Variants in CCL28 observed in about 807,000 individuals in gnomAD.
The protein encoded by CCL28 is C-C motif chemokine 28.
Under a neutral mutation model 7.1 loss-of-function variants are expected in CCL28, and 4 were observed. The observed-to-expected ratio is 0.56, with a 90% CI of 0.28 to 1.29. CCL28 has a LOEUF of 1.29. Ranked by LOEUF, CCL28 falls within the 50% of genes most tolerant of loss-of-function variation. The pLI, the probability that CCL28 is intolerant of heterozygous loss-of-function variation, is 0.11. For missense variants in CCL28, 151 were observed against 163.4 expected, an observed-to-expected ratio of 0.92 and a Z score of 0.41; for synonymous variants, 55 against 57.8, an observed-to-expected ratio of 0.95 and a Z score of 0.22.
intron 1 of CCL28, among the ~76,000 whole-genome samples, chr5:43,399,769 C>G (rs534119266): frequency 6.6e-6 from 1 of 151,990 alleles, no homozygotes; most frequent in South Asian, 2.1e-4. Context: ...CATTTGTTCA[C>G]TATATGTAAT....
chr5:43,370,171 A>T, the CCL28 span, among the ~76,000 whole-genome samples: 1 of 152,262 alleles, frequency 6.6e-6, no homozygotes, highest in Non-Finnish European at 1.5e-5. Flanking sequence ...CAGCTAACCC[A>T]GAAAATTTTG....
intron 2 of CCL28, among the ~76,000 whole-genome samples, chr5:43,386,230 G>A (rs769901501): frequency 6.6e-6 from 1 of 152,164 alleles, no homozygotes. Flanking sequence ...GTCTATCCAC[G>A]CATTGTCTAT....
chr5:43,359,814 A>C, the CCL28 span, among the ~76,000 whole-genome samples: 1 of 152,126 alleles, frequency 6.6e-6, no homozygotes, highest in East Asian at 1.9e-4. Context: ...GCATTCTGGC[A>C]ACTGAATGAC....
At chr5:43,375,327 A>G (rs1264871267), downstream of CCL28, among the ~76,000 whole-genome samples, 2 of 135,670 alleles carry the variant, frequency 1.5e-5, no homozygotes, top group Non-Finnish European at 3.1e-5. Context: ...ATGCCACTGC[A>G]CTCCAGCCTG....
chr5:43,380,320 A>G lies in CCL28; in HGVS notation c.*1540T>C, dbSNP rs1296245541. 5 of 152,150 alleles carry G rather than the reference A, an allele frequency of 3.3e-5. No individual in the cohort carries two copies. Among genetic ancestry groups the G allele is most frequent in the Non-Finnish European group, 5.9e-5 (4 of 68,032 alleles). The allele number at this position is 152,150 out of a possible 1,614,324, so 9.4% of individuals were successfully genotyped here. A position where few individuals can be genotyped will look rare whatever the true frequency, so the allele number is the denominator to read the frequency against. ...GAAAGGCAGGCTTTTTGTTCTTTTC[A>G]GTATCAGAAAATTTCAATCCAAACA... On this transcript the variant is annotated 3_prime_UTR_variant, in exon 3 of 3. Coordinates refer to ENST00000361115, the MANE Select transcript of CCL28 (RefSeq NM_148672.3).
chr5:43,402,375 C>T (rs1490974631), intron 1 of CCL28, among the ~76,000 whole-genome samples: 2 of 152,144 alleles, frequency 1.3e-5, no homozygotes, highest in Non-Finnish European at 2.9e-5. Context: ...GAAACATTAA[C>T]ATTCCCAATT....
At chr5:43,382,904 C>T (rs560896267) in intron 2 of CCL28, among the ~76,000 whole-genome samples, 1 of 151,950 alleles carries the variant, frequency 6.6e-6, no homozygotes, top group African/African-American at 2.4e-5. Context: ...CTGCAACTTC[C>T]GTCTCCCGGG....
intron 1 of CCL28, among the ~76,000 whole-genome samples, chr5:43,389,812 A>G (rs1380276533): frequency 6.6e-6 from 1 of 152,216 alleles, no homozygotes; most frequent in African/African-American, 2.4e-5. Context: ...AGGTGCAACT[A>G]GTGCCCTCCA....
intron 1 of CCL28, 38 bp from the exon 2 acceptor site, chr5:43,388,514 G>T (rs1453798209): frequency 2.5e-6 from 4 of 1,600,316 alleles, no homozygotes; most frequent in Non-Finnish European, 3.4e-6. Context: ...AAATTTTACG[G>T]TTTATAGAAC....
At chr5:43,394,501 T>C (rs951319754) in intron 1 of CCL28, among the ~76,000 whole-genome samples, 2 of 152,352 alleles carry the variant, frequency 1.3e-5, no homozygotes, top group East Asian at 1.9e-4. Flanking sequence ...AAGAAAATGA[T>C]AAGATAATGT....
chr5:43,360,023 G>A, the CCL28 span, among the ~76,000 whole-genome samples: 11 of 152,102 alleles, frequency 7.2e-5, no homozygotes, highest in Non-Finnish European at 1.2e-4. Flanking sequence ...GCTGATTTGA[G>A]TAATAATGAA....
chr5:43,389,069 A>C (rs1211736270), intron 1 of CCL28, among the ~76,000 whole-genome samples: 4 of 152,224 alleles, frequency 2.6e-5, no homozygotes, highest in African/African-American at 9.6e-5. Context: ...GAATGGGCAA[A>C]TCCATAAAGA....
At chr5:43,377,624 C>A (rs1404676021), downstream of CCL28, 2 of 146,018 alleles carry the variant, frequency 1.4e-5, no homozygotes, top group African/African-American at 5.1e-5. Flanking sequence ...ACATCAAGCA[C>A]TGGGATGAGG....
chr5:43,378,529 T>C (rs753650952), downstream of CCL28, among the ~76,000 whole-genome samples: 1 of 152,152 alleles, frequency 6.6e-6, no homozygotes, highest in Admixed American at 6.5e-5. Flanking sequence ...ATTAACGAGG[T>C]GATTTACTCA....
At position 43,380,123 on chromosome 5, in the gene CCL28, A is replaced by C. The variant is rs1023449573; in HGVS notation, c.*1737T>G. On this transcript the variant is annotated 3_prime_UTR_variant, in exon 3 of 3. Coordinates refer to ENST00000361115, the MANE Select transcript of CCL28 (RefSeq NM_148672.3). The stretch of plus-strand genomic sequence containing the variant: ...GCAACAGAGTGAGACTCTGTCTCAA[A>C]AAAAAACAACCAAACAACAACAAAA... 2 of 151,860 alleles carry C rather than the reference A, an allele frequency of 1.3e-5. No homozygotes were observed. Among genetic ancestry groups the C allele is most frequent in the African/African-American group, 4.8e-5 (2 of 41,294 alleles). The allele number at this position is 151,860 out of a possible 1,614,324, so 9.4% of individuals were successfully genotyped here. A position where few individuals can be genotyped will look rare whatever the true frequency, so the allele number is the denominator to read the frequency against.
At chr5:43,366,600 C>T in the CCL28 span, among the ~76,000 whole-genome samples, 1 of 152,238 alleles carries the variant, frequency 6.6e-6, no homozygotes, top group Non-Finnish European at 1.5e-5. Context: ...TGGGAGGTGT[C>T]TCTCAGTCAT....
chr5:43,383,812 C>G (rs1044151693), intron 2 of CCL28, among the ~76,000 whole-genome samples: 1 of 152,104 alleles, frequency 6.6e-6, no homozygotes, highest in Non-Finnish European at 1.5e-5. Flanking sequence ...GCAGGCTGGG[C>G]ACGGTAGCTC....
At chr5:43,401,829 C>T (rs1741051175) in intron 1 of CCL28, among the ~76,000 whole-genome samples, 1 of 152,082 alleles carries the variant, frequency 6.6e-6, no homozygotes, top group Admixed American at 6.5e-5. Context: ...TGAGATGGGC[C>T]CTTAAATATT....
At chr5:43,398,416 G>A (rs1740903816) in intron 1 of CCL28, among the ~76,000 whole-genome samples, 1 of 152,100 alleles carries the variant, frequency 6.6e-6, no homozygotes, top group Non-Finnish European at 1.5e-5. Context: ...GTAGAGATGG[G>A]ACCTCACTTT....
Sources: gnomAD v4.1 joint callset for allele counts (sites outside exome capture counted in the v4.1 genomes callset) on GRCh38, gnomAD v4.1.1 for gene constraint, MANE v1.5 for transcripts, NCBI Gene and HGNC (gene_info 2026-07-23, HGNC 2026-07-21) for gene names.